Variants in EIF2B3 observed in about 807,000 individuals in gnomAD.
EIF2B3 encodes the protein eukaryotic translation initiation factor 2B subunit gamma.
EIF2B3 carries 20 observed loss-of-function variants against 54.1 expected under a neutral mutation model. That is an observed-to-expected ratio of 0.37 (90% CI 0.26 to 0.54). The LOEUF is 0.54. Ranked by LOEUF, EIF2B3 falls within the 20% of genes least tolerant of loss-of-function variation. The pLI is 0.86. For missense variants in EIF2B3, 448 were observed against 547.8 expected, an observed-to-expected ratio of 0.82 and a Z score of 1.82; for synonymous variants, 153 against 188.1, an observed-to-expected ratio of 0.81 and a Z score of 1.52.
At chr1:44,863,803 TATCCTTCTGC>T (rs1349197246) in intron 10 of EIF2B3, among the ~76,000 whole-genome samples, 5 of 152,252 alleles carry the variant, frequency 3.3e-5, no homozygotes, top group African/African-American at 1.2e-4. Context: ...CCGTTCTGTG[TATCCTTCTGC>T]AACTTGCTTT....
At chr1:44,948,534 ACTTAC>A (rs1223085836) in intron 3 of EIF2B3, among the ~76,000 whole-genome samples, 1 of 152,114 alleles carries the variant, frequency 6.6e-6, no homozygotes. Context: ...ACTTATTGCC[ACTTAC>A]CTTAAAATTT....
intron 8 of EIF2B3, among the ~76,000 whole-genome samples, chr1:44,876,402 G>A (rs1655149407): frequency 7.0e-6 from 1 of 142,550 alleles, no homozygotes; most frequent in Admixed American, 7.0e-5. Context: ...CCGCGACCCT[G>A]TCTGGGAGGT....
chr1:44,961,991 A>T (rs1644289700), intron 3 of EIF2B3, among the ~76,000 whole-genome samples: 2 of 152,198 alleles, frequency 1.3e-5, no homozygotes, highest in Non-Finnish European at 2.9e-5. Context: ...CAGGAGTTCA[A>T]GACCAGCCTG....
intron 5 of EIF2B3, among the ~76,000 whole-genome samples, chr1:44,909,210 G>A (rs1643468917): frequency 2.0e-5 from 3 of 152,108 alleles, no homozygotes; most frequent in Admixed American, 6.6e-5. Context: ...TAAGGGACTA[G>A]AAAGATTTGA....
rs1171020644 is a variant in EIF2B3 at position 44,951,954 on chromosome 1, A to ATTTTTTTTT, written c.295-10298_295-10290dup. 1.4e-3 allele frequency among the ~76,000 whole-genome samples: 62 copies of ATTTTTTTTT among 44,648 alleles called. 8 individuals are homozygous for ATTTTTTTTT. Among genetic ancestry groups the ATTTTTTTTT allele is most frequent in the East Asian group, 6.2e-3 (2 of 324 alleles). The allele number at this position is 44,648 out of a possible 152,430, so 29.3% of individuals were successfully genotyped here. ...AGGGGCGCACCACCATGCCTGGCTA[A>ATTTTTTTTT]TTTTTTTTTTTTTTTTTTTTTTTTT... On this transcript the variant is annotated intron_variant, in intron 3 of 11. Coordinates refer to ENST00000360403, the MANE Select transcript of EIF2B3 (RefSeq NM_020365.5).
At chr1:44,925,501 G>A (rs1011286809) in intron 5 of EIF2B3, among the ~76,000 whole-genome samples, 1 of 152,042 alleles carries the variant, frequency 6.6e-6, no homozygotes, top group African/African-American at 2.4e-5. Flanking sequence ...AAGGCCTTGC[G>A]GGGAGAAAAA....
At chr1:44,880,133 C>T in intron 7 of EIF2B3, 125 bp from the exon 8 acceptor site, 1 of 1,029,728 alleles carries the variant, frequency 9.7e-7, no homozygotes, top group African/African-American at 1.6e-5. Context: ...CTAGGCTGGT[C>T]TCAAACTCCC....
chr1:44,951,779 T>C (rs1042980536), intron 3 of EIF2B3, among the ~76,000 whole-genome samples: 1 of 145,354 alleles, frequency 6.9e-6, no homozygotes, highest in Non-Finnish European at 1.5e-5. Context: ...CTTCAGCAGC[T>C]TCTCCCTTCC....
chr1:44,909,979 C>T (rs376568649), intron 5 of EIF2B3, among the ~76,000 whole-genome samples: 2 of 152,192 alleles, frequency 1.3e-5, no homozygotes, highest in African/African-American at 4.8e-5. Context: ...ATATAGATGT[C>T]TAAACCTTCC....
intron 10 of EIF2B3, among the ~76,000 whole-genome samples, chr1:44,860,098 C>T (rs1165280247): frequency 6.6e-6 from 1 of 152,022 alleles, no homozygotes; most frequent in Non-Finnish European, 1.5e-5. Context: ...CCTGCCTCAG[C>T]CTCCCAAAGT....
intron 9 of EIF2B3, 95 bp from the exon 10 acceptor site, chr1:44,874,921 C>T: frequency 1.4e-6 from 2 of 1,469,590 alleles, no homozygotes; most frequent in East Asian, 2.3e-5. Flanking sequence ...TGGGATCTTT[C>T]CATAGAGACA....
intron 10 of EIF2B3, among the ~76,000 whole-genome samples, chr1:44,870,230 G>A (rs575313921): frequency 1.3e-5 from 2 of 152,128 alleles, no homozygotes; most frequent in African/African-American, 4.8e-5. Context: ...AATGATTTGG[G>A]AAAGAGACAA....
rs1655333736 is a variant in EIF2B3, at chr1:44,879,915, A to G, written c.878T>C (p.Leu293Ser). 2 of 1,614,180 alleles carry G rather than the reference A, an allele frequency of 1.2e-6. No homozygotes were observed. The highest frequency in any genetic ancestry group is 1.3e-5 in the African/African-American group (1 of 75,038). ...NACRGDRWED[L>S]SRSQVRCYVH... is the part of the protein sequence containing the mutation. Reference sequence around the variant, plus strand: ...ATAGCAGCGCACCTGTGATCTGGACAAGTCTTCCCACCTGTCTCCTCGACA... The same window carrying G: ...ATAGCAGCGCACCTGTGATCTGGACGAGTCTTCCCACCTGTCTCCTCGACA... Residue 293 changes from leucine to serine, a missense_variant, in exon 8 of 12, where the codon TTG becomes TCG. Leu to Ser is a moderately radical substitution (Grantham distance 145). Transcript: ENST00000360403.
At chr1:44,949,490 C>G (rs540808219) in intron 3 of EIF2B3, among the ~76,000 whole-genome samples, 9 of 152,298 alleles carry the variant, frequency 5.9e-5, no homozygotes, top group African/African-American at 2.2e-4. Context: ...TTATCTCCTT[C>G]TCTTTGTTTA....
chr1:44,932,217 T>C (rs1319112157), intron 4 of EIF2B3: 1 of 151,698 alleles, frequency 6.6e-6, no homozygotes, highest in East Asian at 1.9e-4. Context: ...GAGAAAAGGG[T>C]GCCAACTAGC....
chr1:44,871,845 A>G (rs991393183), intron 10 of EIF2B3, among the ~76,000 whole-genome samples: 1 of 151,406 alleles, frequency 6.6e-6, no homozygotes, highest in Non-Finnish European at 1.5e-5. Context: ...TGTTTCTGGA[A>G]TAAGATATGC....
At chr1:44,863,541 A>G (rs796670467) in intron 10 of EIF2B3, among the ~76,000 whole-genome samples, 11 of 152,224 alleles carry the variant, frequency 7.2e-5, no homozygotes, top group African/African-American at 2.6e-4. Context: ...GCAACCATGT[A>G]TTATTTTTAA....
intron 11 of EIF2B3, among the ~76,000 whole-genome samples, chr1:44,852,257 C>T (rs1654296160): frequency 6.6e-6 from 1 of 151,946 alleles, no homozygotes; most frequent in Non-Finnish European, 1.5e-5. Flanking sequence ...AGCCACCGCA[C>T]TTGGCCCTGT....
At chr1:44,918,905 C>T (rs148094261) in intron 5 of EIF2B3, among the ~76,000 whole-genome samples, 4 of 152,266 alleles carry the variant, frequency 2.6e-5, no homozygotes, top group East Asian at 1.9e-4. Context: ...TTCAGCTCTA[C>T]GTATTAGCTA....
Sources: allele counts gnomAD v4.1 joint callset (sites outside exome capture counted in the v4.1 genomes callset), GRCh38; gene constraint gnomAD v4.1.1; transcripts MANE v1.5; gene names NCBI Gene and HGNC (gene_info 2026-07-23, HGNC 2026-07-21).